Variants in FERMT2 observed in about 807,000 individuals in gnomAD.
FERMT2 encodes fermitin family homolog 2.
In FERMT2, 15 loss-of-function variants were observed where a neutral mutation model predicts 82.7. The observed-to-expected ratio is 0.18, with a 90% CI of 0.12 to 0.28. FERMT2 has a LOEUF of 0.28. Ranked by LOEUF, FERMT2 falls within the 10% of genes least tolerant of loss-of-function variation. The pLI, the probability that FERMT2 is intolerant of heterozygous loss-of-function variation, is 1.00. For synonymous variants in FERMT2, 274 were observed against 271.5 expected (o/e 1.01, Z -0.09); for missense variants, 645 against 809.4 (o/e 0.80, Z 2.46).
intron 10 of FERMT2, chr14:52,871,557 A>C (rs1022582690): frequency 2.6e-5 from 4 of 152,320 alleles, no homozygotes; most frequent in Non-Finnish European, 4.4e-5. Context: ...GAACCAGACT[A>C]ATCTGGAGAG....
At chr14:52,914,960 A>G (rs376183854) in intron 3 of FERMT2, among the ~76,000 whole-genome samples, 8 of 151,552 alleles carry the variant, frequency 5.3e-5, no homozygotes, top group Non-Finnish European at 1.2e-4. Flanking sequence ...AATTAAAAAA[A>G]CAAGAAAATC....
intron 4 of FERMT2, among the ~76,000 whole-genome samples, chr14:52,883,610 A>G (rs979126467): frequency 2.0e-5 from 3 of 152,246 alleles, no homozygotes; most frequent in South Asian, 2.1e-4. Flanking sequence ...TTTGCTTTAT[A>G]AAGTTTCTAA....
At chr14:52,922,653 G>A (rs1307590812) in intron 2 of FERMT2, among the ~76,000 whole-genome samples, 2 of 152,142 alleles carry the variant, frequency 1.3e-5, no homozygotes, top group African/African-American at 4.8e-5. Flanking sequence ...CTAATAAAGA[G>A]GTAATGTGCC....
In FERMT2 at chr14:52,890,119, C is replaced by CAA. The variant is rs772600306; in HGVS notation, c.526+3172_526+3173dup. 3.2e-3 allele frequency among the ~76,000 whole-genome samples: 338 copies of CAA among 106,046 alleles called. 2 individuals are homozygous for CAA. Among genetic ancestry groups the CAA allele is most frequent in the African/African-American group, 0.01 (297 of 28,704 alleles). 69.6% of individuals were successfully genotyped at this position (106,046 alleles called of 152,430 possible). A position where few individuals can be genotyped will look rare whatever the true frequency, so the allele number is the denominator to read the frequency against. On this transcript the variant is annotated intron_variant, in intron 4 of 14. Transcript: ENST00000341590. ...TGGGTGACACAGTGAGACTGTGTCT[C>CAA]AAAAAAAAAAAAAAATACATAAAAT...
intron 4 of FERMT2, among the ~76,000 whole-genome samples, chr14:52,892,650 G>C (rs1409146422): frequency 6.6e-6 from 1 of 150,968 alleles, no homozygotes; most frequent in Non-Finnish European, 1.5e-5. Flanking sequence ...GTAGAGACAG[G>C]GTTTCACTGT....
chr14:52,863,721 T>C (rs1885093941), intron 12 of FERMT2: 1 of 152,210 alleles, frequency 6.6e-6, no homozygotes, highest in African/African-American at 2.4e-5. Flanking sequence ...CGGCTAAAAA[T>C]GTACTCTTGT....
chr14:52,872,462 A>C (rs1039626142), intron 10 of FERMT2, among the ~76,000 whole-genome samples: 1 of 152,144 alleles, frequency 6.6e-6, no homozygotes, highest in African/African-American at 2.4e-5. Flanking sequence ...TGAACCCGGG[A>C]GGCAGAAGTA....
At position 52,949,390 on chromosome 14, in the gene FERMT2, G is replaced by GA. The variant is rs1197953349; in HGVS notation, c.157+1021dup. 5.0e-4 allele frequency among the ~76,000 whole-genome samples: 38 copies of GA among 75,974 alleles called. 1 individual carries two copies. Among genetic ancestry groups the GA allele is most frequent in the Admixed American group, 1.3e-3 (8 of 6,154 alleles). The allele number at this position is 75,974 out of a possible 152,430, so 49.8% of individuals were successfully genotyped here. On this transcript the variant is annotated intron_variant, in intron 2 of 14. Transcript: ENST00000341590. ...CGAATGCTGTGTTTAAAAAAAAAAA[G>GA]AAAAAAAAAAAGACGAAAAAAACCC... is the stretch of plus-strand genomic sequence containing the variant.
At chr14:52,940,711 TG>T (rs1245118136) in intron 2 of FERMT2, among the ~76,000 whole-genome samples, 2 of 152,180 alleles carry the variant, frequency 1.3e-5, no homozygotes, top group Admixed American at 6.5e-5. Context: ...TTCTAGAAAT[TG>T]AAAAACTGAC....
intron 2 of FERMT2, among the ~76,000 whole-genome samples, chr14:52,940,147 G>A (rs1435244198): frequency 6.6e-6 from 1 of 152,162 alleles, no homozygotes; most frequent in Non-Finnish European, 1.5e-5. Context: ...CTGGGCTGGA[G>A]GTTATCAGCC....
intron 4 of FERMT2, among the ~76,000 whole-genome samples, chr14:52,883,790 T>C (rs1322997377): frequency 3.3e-5 from 5 of 152,178 alleles, no homozygotes; most frequent in Non-Finnish European, 7.3e-5. Flanking sequence ...CGCTTGGTAC[T>C]GTATAGTCAG....
chr14:52,910,323 C>T (rs1014330400), intron 3 of FERMT2, among the ~76,000 whole-genome samples: 2 of 152,066 alleles, frequency 1.3e-5, no homozygotes, highest in East Asian at 1.9e-4. Context: ...GTATCTAAAG[C>T]CGAAAGACCC....
intron 2 of FERMT2, among the ~76,000 whole-genome samples, chr14:52,925,224 G>C (rs1473489861): frequency 6.6e-6 from 1 of 152,130 alleles, no homozygotes; most frequent in Non-Finnish European, 1.5e-5. Context: ...AGAAGCATTT[G>C]CCCAGGCAAG....
chr14:52,904,223 A>G (rs796838834), intron 3 of FERMT2, among the ~76,000 whole-genome samples: 1 of 152,184 alleles, frequency 6.6e-6, no homozygotes, highest in East Asian at 1.9e-4. Flanking sequence ...TCTACTAAAA[A>G]TACAAAAAGT....
chr14:52,897,436 G>A (rs1264258341), intron 3 of FERMT2, among the ~76,000 whole-genome samples: 2 of 152,024 alleles, frequency 1.3e-5, no homozygotes, highest in South Asian at 2.1e-4. Context: ...CGTACATCTC[G>A]TGTTTTTAAT....
intron 2 of FERMT2, among the ~76,000 whole-genome samples, chr14:52,927,491 A>G (rs1889337433): frequency 6.7e-6 from 1 of 148,654 alleles, no homozygotes; most frequent in Non-Finnish European, 1.5e-5. Flanking sequence ...GGCCAGGCTC[A>G]CGTCTGTAAT....
At chr14:52,920,860 A>ACGTT (rs1383763567) in intron 2 of FERMT2, among the ~76,000 whole-genome samples, 1 of 152,070 alleles carries the variant, frequency 6.6e-6, no homozygotes, top group East Asian at 1.9e-4. Flanking sequence ...GGGAAGATGG[A>ACGTT]CTGAACCTGG....
chr14:52,941,665 T>C (rs542343736), intron 2 of FERMT2, among the ~76,000 whole-genome samples: 1 of 152,326 alleles, frequency 6.6e-6, no homozygotes, highest in East Asian at 1.9e-4. Context: ...GCATAAGCAT[T>C]AATTTGTCAG....
intron 3 of FERMT2, among the ~76,000 whole-genome samples, chr14:52,903,745 T>C (rs978368137): frequency 6.6e-6 from 1 of 152,136 alleles, no homozygotes; most frequent in African/African-American, 2.4e-5. Flanking sequence ...TTTTTCTTAC[T>C]ACCCTGATGG....
Sources: allele counts gnomAD v4.1 joint callset (sites outside exome capture counted in the v4.1 genomes callset), GRCh38; gene constraint gnomAD v4.1.1; transcripts MANE v1.5; gene names NCBI Gene and HGNC (gene_info 2026-07-23, HGNC 2026-07-21).